CCNT1: variants seen among roughly 807,000 people sequenced by gnomAD.
CCNT1 encodes the protein cyclin T1, also known as cyclin-T1.
A neutral mutation model predicts 67.3 loss-of-function variants in CCNT1; 18 were observed. That is an observed-to-expected ratio of 0.27 (90% CI 0.18 to 0.40). The LOEUF is 0.40. Among genes scored for constraint, CCNT1 ranks in the 10% least tolerant of loss-of-function variants. CCNT1 has a pLI of 1.00. For missense variants in CCNT1, 744 were observed against 884.9 expected (o/e 0.84, Z 2.02); for synonymous variants, 333 against 310.3 (o/e 1.07, Z -0.77).
Position 48,701,045 on chromosome 12 carries a change from A to C in CCNT1, c.401T>G (p.Val134Gly), listed in dbSNP as rs1026391591. 1.9e-5 allele frequency: 30 copies of C among 1,591,630 alleles called. No homozygotes were observed. Among genetic ancestry groups the C allele is most frequent in the Non-Finnish European group, 2.5e-5 (29 of 1,166,868 alleles). ...EAYLQQVQDLVILESIILQTL... is the reference protein window; with the variant it reads ...EAYLQQVQDLGILESIILQTL... ...CTGCAAAATTATGCTTTCTAAAATG[A>C]CCAGATCTTGAACTTGTTGCAAATA... The change falls in exon 4 of 9, where the codon GTC becomes GGC. Residue 134 changes from valine to glycine, a missense_variant. Coordinates refer to ENST00000261900, the MANE Select transcript of CCNT1 (RefSeq NM_001240.4).
chr12:48,715,413 T>C (rs1321930501), intron 1 of CCNT1, among the ~76,000 whole-genome samples: 1 of 152,090 alleles, frequency 6.6e-6, no homozygotes, highest in Admixed American at 6.6e-5. Flanking sequence ...AAAATAAGTG[T>C]ATTTCCTAAC....
intron 2 of CCNT1, among the ~76,000 whole-genome samples, chr12:48,707,612 T>C (rs1270469185): frequency 6.8e-6 from 1 of 147,608 alleles, no homozygotes; most frequent in Admixed American, 6.6e-5. Context: ...CTAAAGATTT[T>C]GAAAAATATC....
Position 48,693,576 on chromosome 12 carries a change from T to A in CCNT1, c.1638A>T (p.Lys546Asn). ...GTGNKRPGDP[K>N]HSSQTSNLAH... is the part of the protein sequence containing the mutation. ...CTAAGTTGCTTGTCTGGCTACTATG[T>A]TTTGGATCACCAGGACGTTTGTTCC... The change falls in exon 9 of 9, where the codon AAA becomes AAT. Residue 546 changes from lysine to asparagine, a missense_variant. By Grantham distance (94) the Lys-to-Asn change is moderately conservative. Around this residue, in one of 3 missense-constraint regions of CCNT1, gnomAD observed 564 missense variants for 574.2 expected, o/e 0.98. Transcript: ENST00000261900. The A allele has an allele frequency of 6.2e-7, 1 of 1,614,028 alleles. No homozygotes were observed. Among genetic ancestry groups the A allele is most frequent in the Non-Finnish European group, 8.5e-7 (1 of 1,180,008 alleles).
chr12:48,696,238 TTAA>T (rs1861285171), intron 6 of CCNT1, 76 bp from the exon 7 acceptor site: 2 of 307,194 alleles, frequency 6.5e-6, no homozygotes, highest in Non-Finnish European at 4.5e-6. Context: ...TCTCCATTAT[TTAA>T]AAAAAAAAAA....
Position 48,695,807 on chromosome 12 carries a change from C to T in CCNT1, c.729G>A (p.Gln243=), listed in dbSNP as rs1940160461. ...GCCTGTTGGGAGTTTTCTCCAAAAT[C>T]TGTAGAAACTCATGTGTCAGTTCTA... ...LLDELTHEFL[Q]ILEKTPNRLK... is the part of the protein sequence containing the mutation. Residue 243 remains glutamine (Q), a synonymous_variant, in exon 8 of 9, where the codon CAG becomes CAA. Transcript: ENST00000261900. 3 of 1,612,324 alleles carry T rather than the reference C, an allele frequency of 1.9e-6. No individual in the cohort carries two copies. The East Asian group carries it at 6.7e-5, about 36-fold the overall frequency.
At chr12:48,713,952 C>T (rs943825135) in intron 2 of CCNT1, among the ~76,000 whole-genome samples, 1 of 152,018 alleles carries the variant, frequency 6.6e-6, no homozygotes, top group South Asian at 2.1e-4. Context: ...TGGAGTGAAG[C>T]GACTCAATCT....
At chr12:48,701,147 T>C (rs1940259371) in intron 3 of CCNT1, 74 bp from the exon 4 acceptor site, 2 of 774,954 alleles carry the variant, frequency 2.6e-6, no homozygotes, top group African/African-American at 1.8e-5. Flanking sequence ...TAACAATCCC[T>C]TCCAGGGAAA....
chr12:48,711,273 G>A (rs1252012747), intron 2 of CCNT1, among the ~76,000 whole-genome samples: 1 of 151,866 alleles, frequency 6.6e-6, no homozygotes, highest in African/African-American at 2.4e-5. Context: ...CCAGCTACTT[G>A]GGAGGTTGAG....
At chr12:48,699,935 T>C in intron 4 of CCNT1, 95 bp from the exon 5 acceptor site, 1 of 699,198 alleles carries the variant, frequency 1.4e-6, no homozygotes. Context: ...TACACCTTAC[T>C]GGTTTCCACA....
At chr12:48,702,658 G>A (rs991613338) in intron 3 of CCNT1, among the ~76,000 whole-genome samples, 5 of 151,964 alleles carry the variant, frequency 3.3e-5, no homozygotes, top group African/African-American at 9.7e-5. Flanking sequence ...GATGGTGGGC[G>A]TGAACCTTGG....
At chr12:48,695,254 A>G (rs1460473705) in intron 8 of CCNT1, among the ~76,000 whole-genome samples, 1 of 152,232 alleles carries the variant, frequency 6.6e-6, no homozygotes, top group Non-Finnish European at 1.5e-5. Flanking sequence ...TTTTAAAACA[A>G]GTTTTATATC....
chr12:48,715,315 C>T (rs1940517833), intron 1 of CCNT1, among the ~76,000 whole-genome samples: 1 of 152,270 alleles, frequency 6.6e-6, no homozygotes, highest in East Asian at 1.9e-4. Context: ...TTACTGTCAG[C>T]CACACATTTA....
chr12:48,699,862 T>C (rs1191258178), intron 4 of CCNT1, 22 bp from the exon 5 acceptor site: 3 of 1,461,408 alleles, frequency 2.1e-6, no homozygotes, highest in Admixed American at 3.6e-5. Context: ...AAGTAATGGA[T>C]TAAAAAACTA....
At position 48,693,310 on chromosome 12, in the gene CCNT1, G is replaced by A. The variant is rs756415806; in HGVS notation, c.1904C>T (p.Pro635Leu). 11 of 1,614,102 alleles carry A rather than the reference G, an allele frequency of 6.8e-6. No individual in the cohort carries two copies. The South Asian group carries it at 8.8e-5, about 13-fold the overall frequency. ...GGGCCCTTTATCCAGTTTCGAATGA[G>A]GGACACGAGTTTTACAGCTGGGCTG... Reference protein sequence around the residue: ...FSQPSCKTRVPHSKLDKGPTG... With the variant: ...FSQPSCKTRVLHSKLDKGPTG... Residue 635 changes from proline to leucine, a missense_variant, in exon 9 of 9, where the codon CCT (proline) becomes CTT (leucine). By Grantham distance (98) the Pro-to-Leu change is moderately conservative. This residue lies in a region of CCNT1 where 564 missense variants were observed against 574.2 expected (regional missense o/e 0.98). Coordinates refer to ENST00000261900, the MANE Select transcript of CCNT1 (RefSeq NM_001240.4).
chr12:48,712,347 C>A (rs1302042506), intron 2 of CCNT1, among the ~76,000 whole-genome samples: 1 of 151,672 alleles, frequency 6.6e-6, no homozygotes, highest in South Asian at 2.1e-4. Context: ...CAATAGCGAT[C>A]TCGGCTCACC....
Position 48,696,174 on chromosome 12 carries a change from G to T in CCNT1, c.543-12C>A. ...TGGTCAAATGCAGGCTGACATCAGA[G>T]GGAAGAAAACAGAGAGTGTCATGAG... On this transcript the variant is annotated splice_polypyrimidine_tract_variant and intron_variant, in intron 6 of 8. Coordinates refer to ENST00000261900, the MANE Select transcript of CCNT1 (RefSeq NM_001240.4). 1 of 1,560,802 alleles carries T rather than the reference G, an allele frequency of 6.4e-7. No individual in the cohort carries two copies. Among genetic ancestry groups the T allele is most frequent in the Non-Finnish European group, 8.7e-7 (1 of 1,152,258 alleles).
Position 48,693,414 on chromosome 12 carries a change from T to G in CCNT1, c.1800A>C (p.Leu600=). ...TAGGAAGTGAAGGGAAGGAGAAATT[T>G]AGGGAAGAGGATTTAGTACTCTTGG... The part of the protein sequence containing the change: ...KIAKSTKSSS[L]NFSFPSLPTM... The change falls in exon 9 of 9, where the codon CTA becomes CTC. Residue 600 remains leucine, a synonymous_variant. Coordinates refer to ENST00000261900, the MANE Select transcript of CCNT1 (RefSeq NM_001240.4). 7.4e-6 allele frequency: 12 copies of G among 1,614,190 alleles called. No individual in the cohort carries two copies. Among genetic ancestry groups the G allele is most frequent in the South Asian group, 2.2e-5 (2 of 91,074 alleles).
chr12:48,702,513 G>A (rs544036532), intron 3 of CCNT1, among the ~76,000 whole-genome samples: 29 of 152,282 alleles, frequency 1.9e-4, no homozygotes, highest in East Asian at 1.7e-3. Context: ...GGCCGGGTGC[G>A]GTGGCTCACG....
In CCNT1 at chr12:48,693,184, T is replaced by A. The variant is rs768318667; in HGVS notation, c.2030A>T (p.Gln677Leu). ...LLSAQGVQPT[Q>L]PTAFEFVRPY... ...ACGAACAAATTCAAATGCAGTGGGCTGAGTGGGCTGAACACCCTGGGCACT... is the reference window on the plus strand; with the variant it reads ...ACGAACAAATTCAAATGCAGTGGGCAGAGTGGGCTGAACACCCTGGGCACT... Residue 677 changes from glutamine (Q) to leucine (L), a missense_variant, in exon 9 of 9, where the codon CAG becomes CTG. Transcript: ENST00000261900. 1.2e-6 allele frequency: 2 copies of A among 1,614,182 alleles called. No homozygotes were observed. The highest frequency in any genetic ancestry group is 2.2e-5 in the South Asian group (2 of 91,088).
Sources: gnomAD v4.1 joint callset for allele counts (sites outside exome capture counted in the v4.1 genomes callset) on GRCh38, gnomAD v4.1.1 for gene constraint, gnomAD v4.1.1 regional missense constraint, MANE v1.5 for transcripts, NCBI Gene and HGNC (gene_info 2026-07-23, HGNC 2026-07-21) for gene names.